Variants in STAB1 observed in about 807,000 individuals in gnomAD.
STAB1 encodes stabilin-1.
Under a neutral mutation model 332.4 loss-of-function variants are expected in STAB1, and 250 were observed. The ratio of observed to expected loss-of-function variants is 0.75; its 90% CI spans 0.68 to 0.84. STAB1 has a LOEUF of 0.84. Ranked by LOEUF, STAB1 falls within the 40% of genes least tolerant of loss-of-function variation. The probability of loss-of-function intolerance (pLI) is 0.00; values close to 1 mark genes in which losing one functional copy is unlikely to be tolerated. For synonymous variants in STAB1, 1,475 were observed against 1,390.4 expected, an observed-to-expected ratio of 1.06 and a Z score of -1.35; for missense variants, 3,249 against 3,489.7, an observed-to-expected ratio of 0.93 and a Z score of 1.74.
In STAB1 at chr3:52,503,596, T is replaced by C. The variant is rs559866693; in HGVS notation, c.891+56T>C. 4.3e-5 allele frequency: 68 copies of C among 1,589,730 alleles called. No individual in the cohort carries two copies. In the South Asian group the frequency reaches 7.7e-4, roughly 18 times the overall value. On this transcript the variant is annotated intron_variant, in intron 8 of 68. Transcript: ENST00000321725. ...CCACAGTGCACCCAAACACTGGCTA[T>C]GGGACCCTGGGCAAGTCACAGGCCT...
chr3:52,506,117 G>A, intron 16 of STAB1, 53 bp from the exon 17 acceptor site: 1 of 1,574,246 alleles, frequency 6.4e-7, no homozygotes, highest in Admixed American at 1.8e-5. Flanking sequence ...ACTGGGCGTG[G>A]CCCCAAGGTA....
chr3:52,517,483 C>A, intron 43 of STAB1, 67 bp from the exon 44 acceptor site: 1 of 1,595,376 alleles, frequency 6.3e-7, no homozygotes. Flanking sequence ...AGGGGGGTGA[C>A]CCTTTTACCC....
rs1301638479 is a variant in STAB1 at position 52,513,873 on chromosome 3, T to C, written c.3349-10T>C. 6.2e-7 allele frequency: 1 copy of C among 1,610,318 alleles called. No individual in the cohort carries two copies. Among genetic ancestry groups the C allele is most frequent in the Non-Finnish European group, 8.5e-7 (1 of 1,177,744 alleles). Reference sequence around the variant, plus strand: ...ATGACATACTGACCAGGCCCTGTGCTCTGTACCAGGTCTTACTGCCCCCCC... The same window carrying C: ...ATGACATACTGACCAGGCCCTGTGCCCTGTACCAGGTCTTACTGCCCCCCC... On this transcript the variant is annotated splice_polypyrimidine_tract_variant and intron_variant, in intron 31 of 68. Transcript: ENST00000321725.
At position 52,516,225 on chromosome 3, in the gene STAB1, CA is replaced by C; in HGVS notation, c.4133del (p.Asn1378ThrfsTer213). On this transcript the variant is annotated frameshift_variant, in exon 38 of 69. Transcript: ENST00000321725. LOFTEE classifies it high-confidence loss of function. ...TGTGTGAGCTGGGCCGCTACGGGCCCAACTGCACCGGAGGTGAGGACTGGGG... is the reference window on the plus strand; with the variant it reads ...TGTGTGAGCTGGGCCGCTACGGGCCCACTGCACCGGAGGTGAGGACTGGGG... ...EVCELGRYGP[N>X]CTGVCDCAHG... The C allele has an allele frequency of 6.2e-7, 1 of 1,609,272 alleles. No homozygotes were observed. Among genetic ancestry groups the C allele is most frequent in the Non-Finnish European group, 8.5e-7 (1 of 1,177,392 alleles).
intron 66 of STAB1, 56 bp from the exon 67 acceptor site, chr3:52,523,815 G>T: frequency 1.3e-6 from 2 of 1,583,250 alleles, no homozygotes; most frequent in Non-Finnish European, 8.6e-7. Context: ...CTGTGAGCCC[G>T]GGGAAGGTGG....
rs1367827339 is a variant in STAB1 at position 52,514,507 on chromosome 3, C to G, written c.3678+11C>G. On this transcript the variant is annotated intron_variant, in intron 34 of 68. Coordinates refer to ENST00000321725, the MANE Select transcript of STAB1 (RefSeq NM_015136.3). ...AACCACAGTGGCCAGGTTTGGGGGT[C>G]AGGGAGCAAGGAGACCCTAGCCCGG... 1 of 1,523,814 alleles carries G rather than the reference C, an allele frequency of 6.6e-7. No homozygotes were observed. Among genetic ancestry groups the G allele is most frequent in the African/African-American group, 1.4e-5 (1 of 71,972 alleles). The allele number at this position is 1,523,814 out of a possible 1,614,324, so 94.4% of individuals were successfully genotyped here. A position where few individuals can be genotyped will look rare whatever the true frequency, so the allele number is the denominator to read the frequency against.
At chr3:52,515,632 G>A in intron 37 of STAB1, 126 bp downstream of exon 37, 2 of 960,510 alleles carry the variant, frequency 2.1e-6, no homozygotes, top group South Asian at 2.8e-5. Flanking sequence ...GGTGAGGCCA[G>A]AACCCAGAGG....
Position 52,513,110 on chromosome 3 carries a change from C to G in STAB1, c.3159-20C>G, listed in dbSNP as rs1231790590. Reference sequence around the variant, plus strand: ...TACACTAACCTGATTCCATGACCCCCCTAAACTGTGCCCTGTCAGGGCCCA... The same window carrying G: ...TACACTAACCTGATTCCATGACCCCGCTAAACTGTGCCCTGTCAGGGCCCA... On this transcript the variant is annotated intron_variant, in intron 29 of 68. Coordinates refer to ENST00000321725, the MANE Select transcript of STAB1 (RefSeq NM_015136.3). 2 of 1,556,570 alleles carry G rather than the reference C, an allele frequency of 1.3e-6. No homozygotes were observed. Among genetic ancestry groups the G allele is most frequent in the Non-Finnish European group, 1.7e-6 (2 of 1,149,920 alleles).
At chr3:52,497,871 C>G (rs1708160249) in intron 1 of STAB1, among the ~76,000 whole-genome samples, 2 of 152,172 alleles carry the variant, frequency 1.3e-5, no homozygotes, top group South Asian at 4.1e-4. Context: ...GTAAGGGCAG[C>G]AACAGGACTG....
At chr3:52,509,131 T>G in intron 21 of STAB1, 79 bp from the exon 22 acceptor site, 1 of 1,323,908 alleles carries the variant, frequency 7.6e-7, no homozygotes, top group Non-Finnish European at 1.1e-6. Flanking sequence ...AGCCAGCCCA[T>G]GAAAGGAGGG....
At position 52,504,445 on chromosome 3, in the gene STAB1, T is replaced by C; in HGVS notation, c.1151-16T>C. On this transcript the variant is annotated splice_polypyrimidine_tract_variant and intron_variant, in intron 10 of 68. Coordinates refer to ENST00000321725, the MANE Select transcript of STAB1 (RefSeq NM_015136.3). ...TCCCCAGCTCCCTTCTGATGCTCCC[T>C]CACCCTGCCCCCCAGACCAGGGCTG... The C allele has an allele frequency of 6.2e-7, 1 of 1,613,206 alleles. No individual in the cohort carries two copies. The highest frequency in any genetic ancestry group is 8.5e-7 in the Non-Finnish European group (1 of 1,179,622).
In STAB1 at chr3:52,524,344, C is replaced by T. The variant is rs1429267438; in HGVS notation, c.7701C>T (p.Leu2567=). ...EEDFPDTQRI[L]TVK Reference sequence around the variant, plus strand: ...ACTTCCCTGACACCCAGAGGATCCTCACAGTCAAGTGACGAGGCTGGGGCT... The same window carrying T: ...ACTTCCCTGACACCCAGAGGATCCTTACAGTCAAGTGACGAGGCTGGGGCT... The change falls in exon 69 of 69, where the codon CTC becomes CTT. Residue 2567 remains leucine, a synonymous_variant. Coordinates refer to ENST00000321725, the MANE Select transcript of STAB1 (RefSeq NM_015136.3). The T allele has an allele frequency of 6.2e-7, 1 of 1,613,852 alleles. No individual in the cohort carries two copies. The highest frequency in any genetic ancestry group is 1.7e-5 in the Admixed American group (1 of 60,032).
In STAB1 at chr3:52,521,940, G is replaced by A. The variant is rs770241437; in HGVS notation, c.6260G>A (p.Arg2087His). ...AGCCTGGGCTATGAAGGGGATGGCC[G>A]TGTGTGTACAGGTAAGCAGATGGGC... ...ECSLGYEGDG[R>H]VCTVADLCQD... The change falls in exon 58 of 69, where the codon CGT becomes CAT. Residue 2087 changes from arginine to histidine, a missense_variant. By Grantham distance (29) the Arg-to-His change is conservative. Transcript: ENST00000321725. 30 of 1,608,726 alleles carry A rather than the reference G, an allele frequency of 1.9e-5. No homozygotes were observed. The highest frequency in any genetic ancestry group is 3.3e-5 in the South Asian group (3 of 90,544).
At position 52,521,630 on chromosome 3, in the gene STAB1, G is replaced by A; in HGVS notation, c.6093G>A (p.Glu2031=). 2 of 1,613,042 alleles carry A rather than the reference G, an allele frequency of 1.2e-6. No individual in the cohort carries two copies. The highest frequency in any genetic ancestry group is 1.7e-6 in the Non-Finnish European group (2 of 1,179,886). ...CRCTVHGRCD[E]GLGGSGSCFC... ...GCACTGTGCATGGCCGCTGTGATGAGGGCCTTGGGGGCTCTGGCTCCTGCT... is the reference window on the plus strand; with the variant it reads ...GCACTGTGCATGGCCGCTGTGATGAAGGCCTTGGGGGCTCTGGCTCCTGCT... The change falls in exon 57 of 69, where the codon GAG becomes GAA. Residue 2031 remains glutamate (E), a synonymous_variant. Coordinates refer to ENST00000321725, the MANE Select transcript of STAB1 (RefSeq NM_015136.3).
intron 1 of STAB1, among the ~76,000 whole-genome samples, chr3:52,499,005 A>G (rs925656496): frequency 2.0e-4 from 30 of 152,258 alleles, no homozygotes; most frequent in African/African-American, 6.0e-4. Flanking sequence ...GGTATTTGCC[A>G]TAAGAAAGTG....
At chr3:52,499,252 C>T (rs1019491372) in intron 1 of STAB1, among the ~76,000 whole-genome samples, 1 of 152,250 alleles carries the variant, frequency 6.6e-6, no homozygotes, top group Non-Finnish European at 1.5e-5. Flanking sequence ...TTTAGCTTCA[C>T]GCCTCCTGGT....
In STAB1 at chr3:52,514,786, T is replaced by C; in HGVS notation, c.3764T>C (p.Val1255Ala). Residue 1255 changes from valine (V) to alanine (A), a missense_variant, in exon 35 of 69, where the codon GTG becomes GCG. By Grantham distance (64) the Val-to-Ala change is moderately conservative. Transcript: ENST00000321725. ...ATTGGTCTGTCGGGGGTCCTGACGG[T>C]GGGCTCAAGTCGCTGCCTGCATAGC... Reference protein sequence around the residue: ...SLIGLSGVLTVGSSRCLHSHA... With the variant: ...SLIGLSGVLTAGSSRCLHSHA... The C allele has an allele frequency of 1.9e-6, 3 of 1,612,852 alleles. No homozygotes were observed. In the East Asian group the frequency reaches 6.7e-5, roughly 36 times the overall value.
At position 52,521,930 on chromosome 3, in the gene STAB1, G is replaced by A. The variant is rs1223700827; in HGVS notation, c.6250G>A (p.Gly2084Arg). The stretch of plus-strand genomic sequence containing the variant: ...CTGTGAGTGCAGCCTGGGCTATGAA[G>A]GGGATGGCCGTGTGTGTACAGGTAA... ...NSCECSLGYE[G>R]DGRVCTVADL... is the part of the protein sequence containing the mutation. Residue 2084 changes from glycine to arginine, a missense_variant, in exon 58 of 69, where the codon GGG becomes AGG. Physicochemically the swap from Gly to Arg is moderately radical, Grantham distance 125. Transcript: ENST00000321725. The A allele has an allele frequency of 1.9e-6, 3 of 1,609,222 alleles. No individual in the cohort carries two copies. Among genetic ancestry groups the A allele is most frequent in the African/African-American group, 2.7e-5 (2 of 74,876 alleles).
intron 10 of STAB1, 124 bp downstream of exon 10, chr3:52,504,279 C>G: frequency 6.8e-7 from 1 of 1,472,112 alleles, no homozygotes; most frequent in Non-Finnish European, 9.1e-7. Context: ...AAACAGGTGG[C>G]TGTGGGGGGT....
Sources: gnomAD v4.1 joint callset for allele counts (sites outside exome capture counted in the v4.1 genomes callset) on GRCh38, gnomAD v4.1.1 for gene constraint, MANE v1.5 for transcripts, NCBI Gene and HGNC (gene_info 2026-07-23, HGNC 2026-07-21) for gene names.